ERC2: variants seen among roughly 807,000 people sequenced by gnomAD.
The protein encoded by ERC2 is ERC protein 2.
Under a neutral mutation model 114.8 loss-of-function variants are expected in ERC2, and 42 were observed. The ratio of observed to expected loss-of-function variants is 0.37; its 90% CI spans 0.29 to 0.47. ERC2 has a LOEUF of 0.47. Ranked by LOEUF, ERC2 falls within the 20% of genes least tolerant of loss-of-function variation. The probability of loss-of-function intolerance (pLI) is 0.99; values close to 1 mark genes in which losing one functional copy is unlikely to be tolerated. For synonymous variants in ERC2, 454 were observed against 425.5 expected (o/e 1.07, Z -0.82); for missense variants, 939 against 1,150.7 (o/e 0.82, Z 2.66).
intron 3 of ERC2, among the ~76,000 whole-genome samples, chr3:56,212,059 C>T (rs2049098608): frequency 1.3e-5 from 2 of 151,990 alleles, no homozygotes; most frequent in Middle Eastern, 3.4e-3. Context: ...ACCAAGAACC[C>T]AAAAGCAAAC....
At chr3:55,912,111 C>T (rs566493547) in intron 13 of ERC2, among the ~76,000 whole-genome samples, 13 of 152,224 alleles carry the variant, frequency 8.5e-5, no homozygotes, top group Non-Finnish European at 1.3e-4. Flanking sequence ...ATCAGACATC[C>T]GTTTTAAAGA....
At chr3:55,800,095 C>A (rs969085375) in intron 14 of ERC2, among the ~76,000 whole-genome samples, 2 of 152,044 alleles carry the variant, frequency 1.3e-5, no homozygotes, top group African/African-American at 4.8e-5. Flanking sequence ...GAGACAGGGG[C>A]TATAGCAGCT....
At chr3:56,459,875 G>A (rs1444076510) in intron 1 of ERC2, among the ~76,000 whole-genome samples, 1 of 152,080 alleles carries the variant, frequency 6.6e-6, no homozygotes, top group African/African-American at 2.4e-5. Context: ...GAGATTCCTG[G>A]GCTCTGACCA....
At chr3:55,840,124 T>G (rs562771531) in intron 14 of ERC2, among the ~76,000 whole-genome samples, 1 of 152,108 alleles carries the variant, frequency 6.6e-6, no homozygotes, top group South Asian at 2.1e-4. Context: ...AGGAATCATT[T>G]AACCAAGAGG....
chr3:56,412,724 A>C lies in ERC2; in HGVS notation c.657+21627T>G, dbSNP rs569255658. ...ATTTCTCATCTGTAAAACAGGAACA[A>C]AAATGACACCTACATCACAGTGTCA... On this transcript the variant is annotated intron_variant, in intron 2 of 17. Transcript: ENST00000288221. Among the ~76,000 whole-genome samples, 3 of 152,356 alleles carry C rather than the reference A, an allele frequency of 2.0e-5. No individual in the cohort carries two copies. The South Asian group carries it at 6.2e-4, about 32-fold the overall frequency.
chr3:56,346,776 GT>G (rs548628949), intron 2 of ERC2, among the ~76,000 whole-genome samples: 34 of 152,176 alleles, frequency 2.2e-4, no homozygotes, highest in Non-Finnish European at 4.6e-4. Flanking sequence ...ATTTCTCACC[GT>G]TCTGGAGACT....
chr3:55,812,614 C>T (rs749633449), intron 14 of ERC2, among the ~76,000 whole-genome samples: 3 of 152,092 alleles, frequency 2.0e-5, no homozygotes, highest in Non-Finnish European at 4.4e-5. Context: ...AGAGGGCAAT[C>T]AAAGAGAACA....
intron 1 of ERC2, among the ~76,000 whole-genome samples, chr3:56,444,185 A>G (rs1271674208): frequency 6.8e-6 from 1 of 146,884 alleles, no homozygotes; most frequent in Non-Finnish European, 1.5e-5. Flanking sequence ...GTTAGCCAGG[A>G]TGGTCTCGAT....
At chr3:55,890,545 T>C (rs1384295222) in intron 13 of ERC2, among the ~76,000 whole-genome samples, 4 of 152,240 alleles carry the variant, frequency 2.6e-5, no homozygotes, top group Non-Finnish European at 2.9e-5. Context: ...CACCTGCCAC[T>C]GGACCGCTTA....
At chr3:55,878,974 T>C (rs2062988467) in intron 14 of ERC2, among the ~76,000 whole-genome samples, 1 of 152,216 alleles carries the variant, frequency 6.6e-6, no homozygotes, top group East Asian at 1.9e-4. Flanking sequence ...CTAAGAGTTT[T>C]ATGAAAAATA....
In ERC2 at chr3:56,227,163, T is replaced by C. The variant is rs141566378; in HGVS notation, c.1075-53643A>G. Among the ~76,000 whole-genome samples, 738 of 152,254 alleles carry C rather than the reference T, an allele frequency of 4.8e-3. 4 individuals are homozygous for C. The highest frequency in any genetic ancestry group is 0.016 in the African/African-American group (684 of 41,560). On this transcript the variant is annotated intron_variant, in intron 3 of 17. Transcript: ENST00000288221. Reference sequence around the variant, plus strand: ...CACATCCTTTCCTCCTCTTGTCCCATAGAATTCACCTCCATTCTTAATGTT... The same window carrying C: ...CACATCCTTTCCTCCTCTTGTCCCACAGAATTCACCTCCATTCTTAATGTT...
chr3:55,676,061 C>T (rs1194306613), intron 17 of ERC2, among the ~76,000 whole-genome samples: 1 of 151,710 alleles, frequency 6.6e-6, no homozygotes, highest in Non-Finnish European at 1.5e-5. Flanking sequence ...GCTGGGAATA[C>T]AGGCATGTGC....
intron 14 of ERC2, among the ~76,000 whole-genome samples, chr3:55,829,744 C>G (rs1393561547): frequency 2.6e-5 from 4 of 152,134 alleles, no homozygotes; most frequent in Non-Finnish European, 5.9e-5. Flanking sequence ...GGTCTCATCT[C>G]AAACTCCTGG....
intron 14 of ERC2, among the ~76,000 whole-genome samples, chr3:55,829,498 G>C (rs2060477868): frequency 6.6e-6 from 1 of 152,122 alleles, no homozygotes; most frequent in Non-Finnish European, 1.5e-5. Flanking sequence ...TAGAGCCTCA[G>C]AAACCTGTAG....
chr3:55,865,434 T>C (rs992414505), intron 14 of ERC2, among the ~76,000 whole-genome samples: 11 of 152,158 alleles, frequency 7.2e-5, no homozygotes, highest in African/African-American at 2.7e-4. Flanking sequence ...TTCGGAGCAC[T>C]CTGCAGAGAC....
intron 3 of ERC2, among the ~76,000 whole-genome samples, chr3:56,200,673 CCATAGATACAA>C (rs1304540001): frequency 6.6e-6 from 1 of 152,146 alleles, no homozygotes; most frequent in African/African-American, 2.4e-5. Context: ...GGAGAATACT[CCATAGATACAA>C]AAGGGGGAAT....
At chr3:56,190,133 G>A (rs2083895919) in intron 3 of ERC2, among the ~76,000 whole-genome samples, 1 of 152,214 alleles carries the variant, frequency 6.6e-6, no homozygotes, top group Non-Finnish European at 1.5e-5. Flanking sequence ...AATGGAATTA[G>A]GGATGGTAGA....
intron 3 of ERC2, among the ~76,000 whole-genome samples, chr3:56,213,739 G>A (rs539068727): frequency 8.5e-4 from 129 of 152,302 alleles, no homozygotes; most frequent in African/African-American, 2.9e-3. Flanking sequence ...CCTGACTCCC[G>A]AGTAGCGTAA....
intron 3 of ERC2, among the ~76,000 whole-genome samples, chr3:56,203,792 GCTAA>G (rs775121726): frequency 4.6e-5 from 7 of 152,208 alleles, no homozygotes; most frequent in Non-Finnish European, 8.8e-5. Context: ...CTGGATAAGT[GCTAA>G]CTGAGTGATA....
Sources: gnomAD v4.1 joint callset for allele counts (sites outside exome capture counted in the v4.1 genomes callset) on GRCh38, gnomAD v4.1.1 for gene constraint, MANE v1.5 for transcripts, NCBI Gene and HGNC (gene_info 2026-07-23, HGNC 2026-07-21) for gene names.